HADH: variants seen among roughly 807,000 people sequenced by gnomAD.
HADH encodes hydroxyacyl-CoA dehydrogenase.
HADH carries 24 observed loss-of-function variants against 32.2 expected under a neutral mutation model. The ratio of observed to expected loss-of-function variants is 0.75; its 90% CI spans 0.54 to 1.05. The LOEUF is 1.05. HADH is among the 50% of genes least tolerant of loss of function. The pLI is 0.00. For synonymous variants in HADH, 139 were observed against 152.5 expected, an observed-to-expected ratio of 0.91 and a Z score of 0.65; for missense variants, 350 against 397.1, an observed-to-expected ratio of 0.88 and a Z score of 1.01.
chr4:108,015,091 T>C (rs1735648925), intron 3 of HADH, among the ~76,000 whole-genome samples: 1 of 152,244 alleles, frequency 6.6e-6, no homozygotes. Flanking sequence ...GCAATAAACA[T>C]ATGAGTGCAG....
In HADH at chr4:107,991,348, G is replaced by A. The variant is rs1734800920; in HGVS notation, c.132+1284G>A. ...TCATGAGAGAGTTTACTTTTTCAAT[G>A]TCTTGTTTCCAACCAAGTCCACGCT... On this transcript the variant is annotated intron_variant, in intron 1 of 7. Coordinates refer to ENST00000309522, the MANE Select transcript of HADH (RefSeq NM_005327.7). Among the ~76,000 whole-genome samples the A allele has an allele frequency of 2.0e-5, 3 of 152,130 alleles. No individual in the cohort carries two copies. In the South Asian group the frequency reaches 6.2e-4, roughly 32 times the overall value.
chr4:108,008,497 C>T (rs547326450), intron 1 of HADH, among the ~76,000 whole-genome samples: 1 of 152,292 alleles, frequency 6.6e-6, no homozygotes, highest in African/African-American at 2.4e-5. Context: ...GGGATTTGAA[C>T]GTCTTTGCCT....
chr4:108,027,323 C>T, intron 5 of HADH: 1 of 368,140 alleles, frequency 2.7e-6, no homozygotes, highest in East Asian at 6.6e-5. Flanking sequence ...ACTGTCACCC[C>T]CAGTTCACAG....
intron 3 of HADH, among the ~76,000 whole-genome samples, chr4:108,017,556 CTTT>C (rs201301738): frequency 2.1e-5 from 3 of 144,342 alleles, no homozygotes; most frequent in Admixed American, 6.9e-5. Context: ...TGTAAGAGTA[CTTT>C]TTTTTTTTTT....
At chr4:108,001,046 A>G (rs551411865) in intron 1 of HADH, among the ~76,000 whole-genome samples, 1 of 152,362 alleles carries the variant, frequency 6.6e-6, no homozygotes, top group East Asian at 1.9e-4. Flanking sequence ...AAGAGCAGTA[A>G]AAATCTAGTT....
intron 1 of HADH, among the ~76,000 whole-genome samples, chr4:107,996,388 T>C (rs776946935): frequency 6.6e-5 from 10 of 152,292 alleles, no homozygotes; most frequent in Non-Finnish European, 1.0e-4. Flanking sequence ...GTTATCCCTT[T>C]ACCTTTTCAG....
At chr4:108,002,213 G>A (rs527964119) in intron 1 of HADH, among the ~76,000 whole-genome samples, 3 of 152,318 alleles carry the variant, frequency 2.0e-5, no homozygotes, top group South Asian at 4.1e-4. Flanking sequence ...GGGCCACATA[G>A]AAGGATGTGA....
chr4:108,011,881 G>C (rs1451715719), intron 2 of HADH, among the ~76,000 whole-genome samples: 1 of 151,814 alleles, frequency 6.6e-6, no homozygotes, highest in Admixed American at 6.6e-5. Flanking sequence ...TCTCATTGTG[G>C]TGTTTTTGTT....
chr4:108,031,974 T>C (rs1736282520), intron 6 of HADH: 1 of 197,136 alleles, frequency 5.1e-6, no homozygotes, highest in South Asian at 1.8e-4. Flanking sequence ...ATTAGTAATG[T>C]CAACCATAAT....
At chr4:107,991,268 G>A (rs112684052) in intron 1 of HADH, among the ~76,000 whole-genome samples, 3,221 of 152,172 alleles carry the variant, frequency 0.021, 73 homozygotes, top group African/African-American at 0.056. Flanking sequence ...GTTTGTTGGG[G>A]AAGGCGGTTA....
chr4:108,013,818 C>T (rs1735588930), intron 2 of HADH, among the ~76,000 whole-genome samples: 1 of 151,756 alleles, frequency 6.6e-6, no homozygotes, highest in South Asian at 2.1e-4. Context: ...ATTTCACCTG[C>T]GAATGTCTTT....
chr4:108,023,720 T>G (rs1006265340), intron 5 of HADH, 157 bp downstream of exon 5: 4 of 677,480 alleles, frequency 5.9e-6, no homozygotes, highest in Non-Finnish European at 1.1e-5. Context: ...TGCCTCCTGT[T>G]CTAGTTTGTA....
At chr4:108,012,976 A>G (rs1453530640) in intron 2 of HADH, among the ~76,000 whole-genome samples, 2 of 152,210 alleles carry the variant, frequency 1.3e-5, no homozygotes, top group Non-Finnish European at 2.9e-5. Flanking sequence ...TCTGTAGCCA[A>G]GGCTGGAGTG....
intron 6 of HADH, chr4:108,030,975 T>G (rs1423763109): frequency 6.6e-6 from 1 of 152,216 alleles, no homozygotes; most frequent in African/African-American, 2.4e-5. Context: ...TTCATATTAT[T>G]TCTTGAAATA....
At chr4:108,020,002 G>A (rs1735830021) in intron 4 of HADH, among the ~76,000 whole-genome samples, 1 of 152,196 alleles carries the variant, frequency 6.6e-6, no homozygotes, top group South Asian at 2.1e-4. Context: ...GCAGCTACAT[G>A]TGTTCATATT....
At chr4:108,030,780 T>G (rs1736235535) in intron 6 of HADH, 1 of 152,190 alleles carries the variant, frequency 6.6e-6, no homozygotes, top group South Asian at 2.1e-4. Context: ...TCTAAAGAAG[T>G]TTAAGAATTA....
chr4:107,993,997 T>C (rs1392818269), intron 1 of HADH, among the ~76,000 whole-genome samples: 1 of 152,154 alleles, frequency 6.6e-6, no homozygotes, highest in African/African-American at 2.4e-5. Context: ...TAGGCTTTGC[T>C]TCATACATTG....
intron 1 of HADH, among the ~76,000 whole-genome samples, chr4:107,993,724 T>C (rs1257494069): frequency 1.3e-5 from 2 of 152,204 alleles, no homozygotes; most frequent in African/African-American, 4.8e-5. Flanking sequence ...CTTTTGTTTG[T>C]TTTAAATTAA....
At chr4:107,999,679 A>G (rs1430450057) in intron 1 of HADH, among the ~76,000 whole-genome samples, 1 of 152,246 alleles carries the variant, frequency 6.6e-6, no homozygotes, top group African/African-American at 2.4e-5. Flanking sequence ...TTTCATGAGT[A>G]TGAAATATCT....
Sources: gnomAD v4.1 joint callset for allele counts (sites outside exome capture counted in the v4.1 genomes callset) on GRCh38, gnomAD v4.1.1 for gene constraint, MANE v1.5 for transcripts, NCBI Gene and HGNC (gene_info 2026-07-23, HGNC 2026-07-21) for gene names.